Variants in KCNH7 observed in about 807,000 individuals in gnomAD.
The protein encoded by KCNH7 is voltage-gated inwardly rectifying potassium channel KCNH7.
A neutral mutation model predicts 120.8 loss-of-function variants in KCNH7; 49 were observed. The ratio of observed to expected loss-of-function variants is 0.41; its 90% confidence interval spans 0.32 to 0.51. The LOEUF (loss-of-function observed/expected upper bound fraction) is 0.51, where lower values mean the gene tolerates loss of function less well. Ranked by LOEUF, KCNH7 falls within the 20% of genes least tolerant of loss-of-function variation. The pLI is 0.38. For synonymous variants in KCNH7, 547 were observed against 516.1 expected (o/e 1.06, Z -0.81); for missense variants, 1,097 against 1,446.6 (o/e 0.76, Z 3.92).
At chr2:162,657,208 T>C (rs1220750116) in intron 2 of KCNH7, among the ~76,000 whole-genome samples, 1 of 152,196 alleles carries the variant, frequency 6.6e-6, no homozygotes, top group Non-Finnish European at 1.5e-5. Flanking sequence ...TTGGTGTATG[T>C]ACACTTTACA....
chr2:162,585,653 C>A (rs573229058), intron 2 of KCNH7, among the ~76,000 whole-genome samples: 58 of 151,304 alleles, frequency 3.8e-4, no homozygotes, highest in Non-Finnish European at 6.0e-4. Context: ...TATAAATAGA[C>A]ACAACAGTAT....
intron 2 of KCNH7, among the ~76,000 whole-genome samples, chr2:162,762,295 G>GTA (rs560917010): frequency 1.9e-4 from 29 of 151,068 alleles, no homozygotes; most frequent in Non-Finnish European, 2.5e-4. Context: ...GTGTGTGTGT[G>GTA]TATATATATA....
At chr2:162,496,477 T>C (rs1690502832) in intron 6 of KCNH7, among the ~76,000 whole-genome samples, 1 of 152,094 alleles carries the variant, frequency 6.6e-6, no homozygotes, top group Admixed American at 6.6e-5. Context: ...AGCTTAGATA[T>C]ATAGAAGCCT....
intron 2 of KCNH7, among the ~76,000 whole-genome samples, chr2:162,688,498 C>A (rs1447430136): frequency 6.6e-6 from 1 of 152,092 alleles, no homozygotes; most frequent in African/African-American, 2.4e-5. Flanking sequence ...GATTTGTAAT[C>A]ATGTGGCTGG....
chr2:162,798,572 T>A (rs569216920), intron 2 of KCNH7, among the ~76,000 whole-genome samples: 4 of 152,072 alleles, frequency 2.6e-5, no homozygotes, highest in African/African-American at 9.7e-5. Context: ...TCCAAATGCA[T>A]TATTGGTGAA....
At chr2:162,435,081 C>T in intron 8 of KCNH7, 117 bp downstream of exon 8, 2 of 934,938 alleles carry the variant, frequency 2.1e-6, no homozygotes, top group Non-Finnish European at 3.1e-6. Flanking sequence ...ATATGTAATC[C>T]CATTATCTCC....
intron 2 of KCNH7, among the ~76,000 whole-genome samples, chr2:162,810,657 C>A (rs1308749317): frequency 1.3e-5 from 2 of 152,076 alleles, no homozygotes; most frequent in African/African-American, 4.8e-5. Context: ...AGAAAGTACC[C>A]CTCTTGGGAG....
intron 2 of KCNH7, among the ~76,000 whole-genome samples, chr2:162,624,895 T>G (rs1379118504): frequency 1.4e-5 from 2 of 138,376 alleles, no homozygotes; most frequent in Non-Finnish European, 3.1e-5. Context: ...CTTGGTTTTT[T>G]TTTTTTTTTT....
intron 7 of KCNH7, among the ~76,000 whole-genome samples, chr2:162,439,710 CA>C (rs1688361033): frequency 6.6e-6 from 1 of 151,936 alleles, no homozygotes; most frequent in Non-Finnish European, 1.5e-5. Flanking sequence ...CATTCAATTT[CA>C]AAACTTTAAA....
intron 6 of KCNH7, among the ~76,000 whole-genome samples, chr2:162,475,919 A>G (rs1378621600): frequency 6.6e-6 from 1 of 152,224 alleles, no homozygotes; most frequent in Non-Finnish European, 1.5e-5. Context: ...GCTGGTGCTT[A>G]TCTGGTGGAC....
intron 9 of KCNH7, among the ~76,000 whole-genome samples, chr2:162,416,453 T>C (rs1687544785): frequency 6.6e-6 from 1 of 152,046 alleles, no homozygotes; most frequent in Non-Finnish European, 1.5e-5. Context: ...ATCCCTATCT[T>C]GGAAAACACA....
At chr2:162,825,429 G>C (rs1685247402) in intron 2 of KCNH7, among the ~76,000 whole-genome samples, 1 of 151,690 alleles carries the variant, frequency 6.6e-6, no homozygotes. Context: ...CTTTCTACTA[G>C]ATCAACAAAA....
chr2:162,542,400 C>A (rs1215589682), intron 2 of KCNH7, among the ~76,000 whole-genome samples: 2 of 115,098 alleles, frequency 1.7e-5, no homozygotes, highest in Non-Finnish European at 3.5e-5. Context: ...TCCCTCCCCC[C>A]TCCCCCCACC....
intron 2 of KCNH7, among the ~76,000 whole-genome samples, chr2:162,809,567 C>T (rs1008019836): frequency 3.9e-5 from 6 of 152,066 alleles, no homozygotes; most frequent in Non-Finnish European, 8.8e-5. Context: ...AAATAAATGT[C>T]AGACTTGAAA....
intron 2 of KCNH7, among the ~76,000 whole-genome samples, chr2:162,655,741 C>T (rs1289722121): frequency 9.2e-5 from 14 of 151,996 alleles, no homozygotes; most frequent in Admixed American, 9.2e-4. Flanking sequence ...TGCAGTGAGC[C>T]GAGATGGTGC....
chr2:162,672,022 T>A (rs1685377916), intron 2 of KCNH7, among the ~76,000 whole-genome samples: 1 of 152,082 alleles, frequency 6.6e-6, no homozygotes, highest in South Asian at 2.1e-4. Flanking sequence ...ACTAATGACG[T>A]GTAACTAACA....
intron 6 of KCNH7, among the ~76,000 whole-genome samples, chr2:162,467,007 A>G (rs2105624102): frequency 6.6e-6 from 1 of 152,314 alleles, no homozygotes; most frequent in Middle Eastern, 3.4e-3. Context: ...TCATTTCCAA[A>G]TAATTCTGTT....
chr2:162,432,632 G>C (rs6751772), intron 8 of KCNH7, among the ~76,000 whole-genome samples: 22,438 of 151,698 alleles, frequency 0.15, 4,395 homozygotes, highest in African/African-American at 0.44. Flanking sequence ...GATTAAAAAC[G>C]CTCAACAAAC....
At position 162,424,362 on chromosome 2, in the gene KCNH7, T is replaced by G. The variant is rs1573940918; in HGVS notation, c.1955-827A>C. 2.0e-5 allele frequency among the ~76,000 whole-genome samples: 3 copies of G among 152,314 alleles called. No individual in the cohort carries two copies. In the South Asian group the frequency reaches 6.2e-4, roughly 32 times the overall value. On this transcript the variant is annotated intron_variant, in intron 8 of 15. Coordinates refer to ENST00000332142, the MANE Select transcript of KCNH7 (RefSeq NM_033272.4). ...ATTTAAAATAAGCTCTTTAAGCACT[T>G]TCTCTCTTGTTTATATTTGTATTTA...
Sources: allele counts gnomAD v4.1 joint callset (sites outside exome capture counted in the v4.1 genomes callset), GRCh38; gene constraint gnomAD v4.1.1; transcripts MANE v1.5; gene names NCBI Gene and HGNC (gene_info 2026-07-23, HGNC 2026-07-21).